The following ANTXR2 variants were observed in gnomAD, a reference collection of about 807,000 sequenced individuals.
ANTXR2 encodes ANTXR cell adhesion molecule 2.
Under a neutral mutation model 73.7 loss-of-function variants are expected in ANTXR2, and 44 were observed. The ratio of observed to expected loss-of-function variants is 0.60; its 90% confidence interval spans 0.47 to 0.77. The LOEUF (loss-of-function observed/expected upper bound fraction) is 0.77, where lower values mean the gene tolerates loss of function less well. Among genes scored for constraint, ANTXR2 ranks in the 30% least tolerant of loss-of-function variants. ANTXR2 has a pLI of 0.00. For missense variants in ANTXR2, 604 were observed against 592.5 expected (o/e 1.02, Z -0.20); for synonymous variants, 217 against 205.9 (o/e 1.05, Z -0.46).
chr4:79,943,735 TAAAA>T (rs201154009), intron 16 of ANTXR2, among the ~76,000 whole-genome samples: 2 of 141,120 alleles, frequency 1.4e-5, no homozygotes, highest in Admixed American at 7.1e-5. Flanking sequence ...TAGAGTATAA[TAAAA>T]AAAAAAATAA....
chr4:79,985,267 G>A (rs1006930331), intron 12 of ANTXR2, among the ~76,000 whole-genome samples: 2 of 151,620 alleles, frequency 1.3e-5, no homozygotes, highest in Admixed American at 6.6e-5. Context: ...GGAGAATGGC[G>A]TGAACCCGGG....
intron 3 of ANTXR2, among the ~76,000 whole-genome samples, chr4:80,061,216 A>G (rs1034258551): frequency 6.6e-6 from 1 of 152,064 alleles, no homozygotes; most frequent in African/African-American, 2.4e-5. Context: ...GCTGCATTCT[A>G]TTGACTGAAG....
intron 14 of ANTXR2, among the ~76,000 whole-genome samples, chr4:79,983,020 T>A (rs1181731353): frequency 1.3e-5 from 2 of 152,118 alleles, no homozygotes; most frequent in African/African-American, 4.8e-5. Flanking sequence ...GGTTATCAAT[T>A]TTTGCTGGCA....
rs145174588 is a variant in ANTXR2, at chr4:80,011,717, T to G, written c.946-3101A>C. 4.5e-3 allele frequency among the ~76,000 whole-genome samples: 692 copies of G among 152,304 alleles called. 10 individuals carry two copies. The highest frequency in any genetic ancestry group is 0.016 in the African/African-American group (657 of 41,564). ...ACTGAATTCTGTAGTGTTCCACATT[T>G]CCCCAATATGTTTATAAAGTTTTGG... On this transcript the variant is annotated intron_variant, in intron 11 of 16. Coordinates refer to ENST00000403729, the MANE Select transcript of ANTXR2 (RefSeq NM_058172.6).
At chr4:80,044,484 G>A (rs1013295614) in intron 7 of ANTXR2, among the ~76,000 whole-genome samples, 2 of 151,748 alleles carry the variant, frequency 1.3e-5, no homozygotes, top group Admixed American at 6.6e-5. Context: ...AGTTGGTGTC[G>A]ATCCAAGATA....
chr4:80,025,967 C>T (rs2110076431), intron 10 of ANTXR2, among the ~76,000 whole-genome samples: 1 of 152,290 alleles, frequency 6.6e-6, no homozygotes, highest in East Asian at 1.9e-4. Flanking sequence ...AAAATAAGCA[C>T]TTTCCATTTG....
At chr4:79,943,681 C>T (rs1388499274) in intron 16 of ANTXR2, among the ~76,000 whole-genome samples, 3 of 141,730 alleles carry the variant, frequency 2.1e-5, no homozygotes, top group Non-Finnish European at 4.6e-5. Flanking sequence ...CACATGTATA[C>T]ATATGTAACT....
chr4:79,977,709 A>T lies in ANTXR2; in HGVS notation c.1348-8T>A, dbSNP rs1729700252. 1 of 1,565,040 alleles carries T rather than the reference A, an allele frequency of 6.4e-7. No individual in the cohort carries two copies. Among genetic ancestry groups the T allele is most frequent in the South Asian group, 1.2e-5 (1 of 84,400 alleles). The stretch of plus-strand genomic sequence containing the variant: ...GAGAGCATCAAGACGACCCTAAGGG[A>T]AAATGAGATTTGTGAATTCCCAGAG... On this transcript the variant is annotated splice_region_variant and splice_polypyrimidine_tract_variant and intron_variant, in intron 15 of 16. Transcript: ENST00000403729.
intron 11 of ANTXR2, among the ~76,000 whole-genome samples, chr4:80,012,097 A>T (rs1402575216): frequency 6.6e-6 from 1 of 152,226 alleles, no homozygotes; most frequent in South Asian, 2.1e-4. Flanking sequence ...GCTGCAATCT[A>T]TCTAGAAAAT....
At chr4:79,937,694 T>C (rs34805068) in intron 16 of ANTXR2, among the ~76,000 whole-genome samples, 10,563 of 152,244 alleles carry the variant, frequency 0.069, 456 homozygotes, top group Middle Eastern at 0.11. Context: ...AGCACTGTGA[T>C]AGTGTTTTTA....
intron 12 of ANTXR2, among the ~76,000 whole-genome samples, chr4:79,986,561 AT>A (rs1349314888): frequency 6.6e-6 from 1 of 152,152 alleles, no homozygotes; most frequent in Non-Finnish European, 1.5e-5. Context: ...ATAAAGAAAG[AT>A]TGACAATAAT....
intron 16 of ANTXR2, chr4:79,964,616 G>A (rs1729280027): frequency 6.6e-6 from 1 of 152,264 alleles, no homozygotes. Context: ...TCTCTTATTT[G>A]TGCCTAAGGC....
chr4:80,002,095 T>A (rs1383439495), intron 12 of ANTXR2, among the ~76,000 whole-genome samples: 2 of 152,090 alleles, frequency 1.3e-5, no homozygotes, highest in Non-Finnish European at 2.9e-5. Context: ...AGAGCCCGCA[T>A]CACCAAGTCA....
At chr4:80,028,437 A>G (rs1227488097) in intron 10 of ANTXR2, among the ~76,000 whole-genome samples, 1 of 152,158 alleles carries the variant, frequency 6.6e-6, no homozygotes, top group African/African-American at 2.4e-5. Flanking sequence ...AAACAAAGTG[A>G]AATTCATGAA....
chr4:79,945,542 A>C (rs1357389155), intron 16 of ANTXR2, among the ~76,000 whole-genome samples: 1 of 152,170 alleles, frequency 6.6e-6, no homozygotes, highest in African/African-American at 2.4e-5. Context: ...TATAACATAA[A>C]ATAAAGCTGA....
At chr4:79,908,359 CTCTT>C (rs1380504315) in intron 16 of ANTXR2, among the ~76,000 whole-genome samples, 2 of 152,114 alleles carry the variant, frequency 1.3e-5, no homozygotes, top group Admixed American at 1.3e-4. Context: ...TTTAGAGTGT[CTCTT>C]TATTTCCCTC....
At position 79,960,439 on chromosome 4, in the gene ANTXR2, T is replaced by A. The variant is rs188075194; in HGVS notation, c.1428+17182A>T. 2.1e-4 allele frequency among the ~76,000 whole-genome samples: 32 copies of A among 152,268 alleles called. No individual in the cohort carries two copies. The East Asian group carries it at 5.6e-3, about 27-fold the overall frequency. On this transcript the variant is annotated intron_variant, in intron 16 of 16. Transcript: ENST00000403729. ...GCTCTTTAAGGAGAAAGAGATGATG[T>A]ATATCAGAGAATAAAATTATTGTGA...
intron 10 of ANTXR2, chr4:80,024,532 G>T: frequency 7.0e-6 from 2 of 283,744 alleles, no homozygotes; most frequent in Non-Finnish European, 7.1e-6. Context: ...AGGCCAAGGC[G>T]GGTGGTTGGC....
At chr4:79,923,042 A>G (rs73828811) in intron 16 of ANTXR2, among the ~76,000 whole-genome samples, 11,680 of 152,098 alleles carry the variant, frequency 0.077, 538 homozygotes, top group Middle Eastern at 0.19. Flanking sequence ...CTTTTTCACT[A>G]TCATTTAACA....
Sources: allele counts gnomAD v4.1 joint callset (sites outside exome capture counted in the v4.1 genomes callset), GRCh38; gene constraint gnomAD v4.1.1; transcripts MANE v1.5; gene names NCBI Gene and HGNC (gene_info 2026-07-23, HGNC 2026-07-21).